The following PLXDC2 variants were observed in gnomAD, a reference collection of about 807,000 sequenced individuals.
PLXDC2 encodes the protein plexin domain containing 2, also known as plexin domain-containing protein 2.
Under a neutral mutation model 68.9 loss-of-function variants are expected in PLXDC2, and 40 were observed. The ratio of observed to expected loss-of-function variants is 0.58; its 90% CI spans 0.45 to 0.76. The LOEUF (loss-of-function observed/expected upper bound fraction) is 0.76. Ranked by LOEUF, PLXDC2 falls within the 30% of genes least tolerant of loss-of-function variation. The probability of loss-of-function intolerance (pLI) is 0.00; values close to 1 mark genes in which losing one functional copy is unlikely to be tolerated. For missense variants in PLXDC2, 644 were observed against 661.9 expected, an observed-to-expected ratio of 0.97 and a Z score of 0.30; for synonymous variants, 243 against 234.2, an observed-to-expected ratio of 1.04 and a Z score of -0.34.
At chr10:19,965,923 T>C (rs1365939115) in intron 1 of PLXDC2, among the ~76,000 whole-genome samples, 1 of 152,048 alleles carries the variant, frequency 6.6e-6, no homozygotes, top group Non-Finnish European at 1.5e-5. Flanking sequence ...ATTAACAAGA[T>C]CTCAGTCTCA....
At chr10:20,038,286 A>G (rs1217571741) in intron 2 of PLXDC2, among the ~76,000 whole-genome samples, 1 of 152,072 alleles carries the variant, frequency 6.6e-6, no homozygotes, top group Non-Finnish European at 1.5e-5. Context: ...AATCATACCT[A>G]GAAAAGTCAT....
Position 19,987,560 on chromosome 10 carries a change from TTG to T in PLXDC2, c.113-14213_113-14212del, listed in dbSNP as rs869277606. Among the ~76,000 whole-genome samples, 166 of 17,060 alleles carry T rather than the reference TTG, an allele frequency of 9.7e-3. 1 individual carries two copies. Among genetic ancestry groups the T allele is most frequent in the East Asian group, 0.039 (11 of 284 alleles). The allele number at this position is 17,060 out of a possible 152,430, so 11.2% of individuals were successfully genotyped here. ...AGTGTTGATGTTATTTGGTTTTGTTTTGTTTTTTTTTCTTTTTTTGCGGCGGA... is the reference window on the plus strand; with the variant it reads ...AGTGTTGATGTTATTTGGTTTTGTTTTTTTTTTTTCTTTTTTTGCGGCGGA... On this transcript the variant is annotated intron_variant, in intron 1 of 13. Coordinates refer to ENST00000377252, the MANE Select transcript of PLXDC2 (RefSeq NM_032812.9).
At chr10:20,057,519 A>G (rs1836019734) in intron 3 of PLXDC2, among the ~76,000 whole-genome samples, 3 of 152,150 alleles carry the variant, frequency 2.0e-5, no homozygotes, top group African/African-American at 7.2e-5. Context: ...CTACATTCCC[A>G]TCAGAATGTC....
chr10:19,836,002 T>G (rs548264201), intron 1 of PLXDC2, among the ~76,000 whole-genome samples: 2 of 151,928 alleles, frequency 1.3e-5, no homozygotes, highest in South Asian at 4.2e-4. Context: ...TGAGACCCCA[T>G]CTCTACAAAA....
intron 4 of PLXDC2, among the ~76,000 whole-genome samples, chr10:20,069,073 C>T (rs116685222): frequency 0.016 from 2,471 of 152,172 alleles, 62 homozygotes; most frequent in African/African-American, 0.056. Context: ...CATCTATGCC[C>T]AAAGCACCAT....
chr10:19,962,145 A>G (rs1834163698), intron 1 of PLXDC2, among the ~76,000 whole-genome samples: 2 of 152,248 alleles, frequency 1.3e-5, no homozygotes, highest in South Asian at 2.1e-4. Flanking sequence ...TATATGAGAT[A>G]CTTGTTTCAG....
intron 1 of PLXDC2, among the ~76,000 whole-genome samples, chr10:19,850,902 C>G (rs1265025430): frequency 3.3e-5 from 5 of 152,154 alleles, no homozygotes; most frequent in Non-Finnish European, 7.4e-5. Context: ...ATAGCAGACT[C>G]TGCATGTCAT....
intron 1 of PLXDC2, among the ~76,000 whole-genome samples, chr10:19,921,469 G>C (rs1489817743): frequency 6.6e-6 from 1 of 152,122 alleles, no homozygotes; most frequent in African/African-American, 2.4e-5. Flanking sequence ...TTAGGGATTT[G>C]GCAAGTATTC....
chr10:20,211,209 GA>G (rs1273330637), intron 9 of PLXDC2, among the ~76,000 whole-genome samples: 2 of 152,050 alleles, frequency 1.3e-5, no homozygotes, highest in African/African-American at 4.8e-5. Context: ...GCACAAAAGG[GA>G]AAGAGTTTGT....
At chr10:20,055,426 C>G (rs1052018258) in intron 3 of PLXDC2, among the ~76,000 whole-genome samples, 10 of 151,742 alleles carry the variant, frequency 6.6e-5, no homozygotes, top group African/African-American at 2.4e-4. Context: ...TTCTTTGCGT[C>G]CAAAAATCTG....
chr10:20,068,366 T>C, intron 4 of PLXDC2, 127 bp downstream of exon 4: 5 of 826,898 alleles, frequency 6.0e-6, no homozygotes, highest in Admixed American at 6.7e-5. Context: ...CACAAAGTCA[T>C]AGGTATAAAT....
intron 10 of PLXDC2, among the ~76,000 whole-genome samples, chr10:20,215,740 A>G (rs761460484): frequency 1.3e-5 from 2 of 152,248 alleles, no homozygotes; most frequent in South Asian, 4.1e-4. Flanking sequence ...GAAGGAAAGA[A>G]TAGGTCAGCC....
At chr10:20,061,319 TA>T in intron 3 of PLXDC2, among the ~76,000 whole-genome samples, 1 of 152,182 alleles carries the variant, frequency 6.6e-6, no homozygotes, top group South Asian at 2.1e-4. Context: ...ATGACACACT[TA>T]AAGAGTATTG....
chr10:20,238,926 GGATACTATTGA>G (rs1272480005), intron 12 of PLXDC2, among the ~76,000 whole-genome samples: 1 of 151,168 alleles, frequency 6.6e-6, no homozygotes, highest in East Asian at 2.0e-4. Context: ...ATATTATCTT[GGATACTATTGA>G]TTTTCTCTGC....
intron 2 of PLXDC2, among the ~76,000 whole-genome samples, chr10:20,046,139 TTTG>T (rs1367267689): frequency 6.6e-6 from 1 of 152,148 alleles, no homozygotes; most frequent in African/African-American, 2.4e-5. Flanking sequence ...GAAGTTTGAA[TTTG>T]TTATTACTAA....
At chr10:20,090,435 GAT>G (rs1833260970) in intron 4 of PLXDC2, among the ~76,000 whole-genome samples, 1 of 149,402 alleles carries the variant, frequency 6.7e-6, no homozygotes, top group Non-Finnish European at 1.5e-5. Flanking sequence ...TGGAGGGGAA[GAT>G]ATGCAGGGAG....
intron 1 of PLXDC2, among the ~76,000 whole-genome samples, chr10:19,856,390 A>ACG (rs1837214730): frequency 7.3e-6 from 1 of 136,798 alleles, no homozygotes; most frequent in Admixed American, 7.6e-5. Flanking sequence ...ACACACACAC[A>ACG]CACACACACA....
rs148288658 is a variant in PLXDC2, at chr10:20,236,440, G to A, written c.1313-8905G>A. ...AGCCTGGGCCACAGAGCGAGACTCC[G>A]TCTAAAAATTAATAATAATAACAAT... On this transcript the variant is annotated intron_variant, in intron 12 of 13. Coordinates refer to ENST00000377252, the MANE Select transcript of PLXDC2 (RefSeq NM_032812.9). 1.4e-3 allele frequency among the ~76,000 whole-genome samples: 216 copies of A among 152,114 alleles called. 7 individuals are homozygous for A. The East Asian group carries it at 0.038, about 27-fold the overall frequency.
intron 2 of PLXDC2, among the ~76,000 whole-genome samples, chr10:20,026,175 T>G (rs186532884): frequency 1.2e-3 from 155 of 127,928 alleles, no homozygotes; most frequent in African/African-American, 3.8e-3. Context: ...TAATTAAACT[T>G]AATGCCTATG....
Sources: gnomAD v4.1 joint callset for allele counts (sites outside exome capture counted in the v4.1 genomes callset) on GRCh38, gnomAD v4.1.1 for gene constraint, MANE v1.5 for transcripts, NCBI Gene and HGNC (gene_info 2026-07-23, HGNC 2026-07-21) for gene names.